Variants in EPHA5 observed in about 807,000 individuals in gnomAD.
EPHA5 encodes the protein ephrin type-A receptor 5.
EPHA5 carries 60 observed loss-of-function variants against 105.0 expected under a neutral mutation model. The ratio of observed to expected loss-of-function variants is 0.57; its 90% confidence interval spans 0.46 to 0.71. EPHA5 has a LOEUF of 0.71. Ranked by LOEUF, EPHA5 falls within the 30% of genes least tolerant of loss-of-function variation. The pLI is 0.00. For missense variants in EPHA5, 1,218 were observed against 1,274.7 expected, an observed-to-expected ratio of 0.96 and a Z score of 0.68; for synonymous variants, 513 against 449.1, an observed-to-expected ratio of 1.14 and a Z score of -1.80.
At chr4:65,563,501 G>A (rs1276387696) in intron 3 of EPHA5, among the ~76,000 whole-genome samples, 1 of 151,922 alleles carries the variant, frequency 6.6e-6, no homozygotes, top group Non-Finnish European at 1.5e-5. Context: ...TTACATAATG[G>A]TTAGATTTTA....
At chr4:65,605,189 C>T (rs981902220) in intron 2 of EPHA5, among the ~76,000 whole-genome samples, 1 of 152,160 alleles carries the variant, frequency 6.6e-6, no homozygotes, top group Non-Finnish European at 1.5e-5. Context: ...CCTCAGGGCT[C>T]TGAAAATTCC....
intron 14 of EPHA5, among the ~76,000 whole-genome samples, chr4:65,336,867 A>C (rs532872243): frequency 1.5e-4 from 23 of 152,146 alleles, no homozygotes; most frequent in Non-Finnish European, 2.6e-4. Context: ...TTATGCTACC[A>C]AACACAGCAA....
intron 5 of EPHA5, among the ~76,000 whole-genome samples, chr4:65,425,604 A>T (rs1262063407): frequency 6.6e-6 from 1 of 151,764 alleles, no homozygotes; most frequent in African/African-American, 2.4e-5. Flanking sequence ...TTCTTTTTAA[A>T]AAATATTATT....
intron 3 of EPHA5, among the ~76,000 whole-genome samples, chr4:65,588,136 C>T (rs576254746): frequency 2.0e-5 from 3 of 152,236 alleles, no homozygotes; most frequent in African/African-American, 7.2e-5. Context: ...GAAACAGTGG[C>T]TTGCAGGATG....
chr4:65,337,826 A>G (rs1457000788), intron 14 of EPHA5, among the ~76,000 whole-genome samples: 2 of 152,018 alleles, frequency 1.3e-5, no homozygotes, highest in African/African-American at 4.8e-5. Flanking sequence ...ATATAATAAA[A>G]ATTATTAGAA....
intron 5 of EPHA5, among the ~76,000 whole-genome samples, chr4:65,459,309 T>C (rs2149126835): frequency 6.6e-6 from 1 of 152,056 alleles, no homozygotes; most frequent in East Asian, 1.9e-4. Context: ...ACATGGAAAC[T>C]AAAGGAAAAC....
intron 3 of EPHA5, among the ~76,000 whole-genome samples, chr4:65,498,398 A>C (rs529284867): frequency 6.6e-6 from 1 of 152,064 alleles, no homozygotes; most frequent in Non-Finnish European, 1.5e-5. Context: ...CAGTAACTGC[A>C]AAGTTATTAA....
intron 8 of EPHA5, among the ~76,000 whole-genome samples, chr4:65,387,976 C>A (rs1175486456): frequency 1.3e-5 from 1 of 79,572 alleles, no homozygotes; most frequent in Non-Finnish European, 2.3e-5. Context: ...CCTCCCCCCA[C>A]CCCACAACAG....
intron 16 of EPHA5, 53 bp from the exon 17 acceptor site, chr4:65,324,272 C>T (rs2148777535): frequency 3.1e-6 from 4 of 1,274,074 alleles, no homozygotes; most frequent in South Asian, 1.2e-5. Flanking sequence ...TAGCACACCT[C>T]AATATTTCAT....
intron 3 of EPHA5, among the ~76,000 whole-genome samples, chr4:65,501,419 C>A (rs775647464): frequency 2.0e-5 from 3 of 151,510 alleles, no homozygotes; most frequent in Non-Finnish European, 3.0e-5. Context: ...CTTCAGGATG[C>A]AAAATCAATG....
intron 3 of EPHA5, among the ~76,000 whole-genome samples, chr4:65,521,632 A>G (rs12374364): frequency 0.25 from 38,680 of 151,848 alleles, 5,141 homozygotes; most frequent in African/African-American, 0.32. Context: ...TTTGGGGGGT[A>G]TCCAAATTTC....
chr4:65,439,931 A>G (rs1339171497), intron 5 of EPHA5, among the ~76,000 whole-genome samples: 1 of 152,148 alleles, frequency 6.6e-6, no homozygotes, highest in Non-Finnish European at 1.5e-5. Flanking sequence ...TCATGTTTGT[A>G]GCTATCATGT....
At chr4:65,420,368 A>G in intron 6 of EPHA5, 73 bp downstream of exon 6, 2 of 1,429,284 alleles carry the variant, frequency 1.4e-6, no homozygotes, top group South Asian at 2.7e-5. Flanking sequence ...ACTCTTCTGC[A>G]AGTTGGATAA....
At chr4:65,464,272 T>C (rs1465551362) in intron 5 of EPHA5, among the ~76,000 whole-genome samples, 2 of 151,990 alleles carry the variant, frequency 1.3e-5, no homozygotes, top group African/African-American at 4.8e-5. Flanking sequence ...ATATGTAGCT[T>C]GTTTTCTACA....
chr4:65,578,721 G>A (rs1190223869), intron 3 of EPHA5, among the ~76,000 whole-genome samples: 1 of 152,270 alleles, frequency 6.6e-6, no homozygotes, highest in Non-Finnish European at 1.5e-5. Flanking sequence ...TGTCTTTGAG[G>A]TTTCCCAACA....
intron 16 of EPHA5, among the ~76,000 whole-genome samples, chr4:65,326,105 C>A (rs1375415792): frequency 6.7e-6 from 1 of 149,738 alleles, no homozygotes; most frequent in Non-Finnish European, 1.5e-5. Flanking sequence ...CATATTTACA[C>A]ACCAATTTAG....
At chr4:65,387,671 G>A (rs1367460519) in intron 8 of EPHA5, among the ~76,000 whole-genome samples, 2 of 151,858 alleles carry the variant, frequency 1.3e-5, no homozygotes, top group African/African-American at 4.8e-5. Context: ...GTAGAACAGG[G>A]CTGAGTCAGG....
chr4:65,606,557 G>C (rs1008647857), intron 2 of EPHA5, among the ~76,000 whole-genome samples: 1 of 152,092 alleles, frequency 6.6e-6, no homozygotes, highest in Admixed American at 6.5e-5. Flanking sequence ...AAAAGAGATT[G>C]TCTTATTTCC....
chr4:65,429,254 T>C (rs1724750360), intron 5 of EPHA5, among the ~76,000 whole-genome samples: 1 of 152,110 alleles, frequency 6.6e-6, no homozygotes, highest in Non-Finnish European at 1.5e-5. Context: ...AGTTATACTA[T>C]ATTCAAGAGA....
Sources: allele counts gnomAD v4.1 joint callset (sites outside exome capture counted in the v4.1 genomes callset), GRCh38; gene constraint gnomAD v4.1.1; transcripts MANE v1.5; gene names NCBI Gene and HGNC (gene_info 2026-07-23, HGNC 2026-07-21).